CNTN5: variants seen among roughly 807,000 people sequenced by gnomAD.
CNTN5 encodes contactin 5, also known as contactin-5.
In CNTN5, 77 loss-of-function variants were observed where a neutral mutation model predicts 129.1. That is an observed-to-expected ratio of 0.60 (90% CI 0.50 to 0.72). The LOEUF is 0.72. Among genes scored for constraint, CNTN5 ranks in the 30% least tolerant of loss-of-function variants. The probability of loss-of-function intolerance (pLI) is 0.00; values close to 1 mark genes in which losing one functional copy is unlikely to be tolerated. For missense variants in CNTN5, 1,478 were observed against 1,328.8 expected (o/e 1.11, Z -1.75); for synonymous variants, 509 against 465.6 (o/e 1.09, Z -1.20).
At chr11:100,337,468 A>G (rs1216194492) in intron 21 of CNTN5, 4 of 746,254 alleles carry the variant, frequency 5.4e-6, no homozygotes, top group East Asian at 2.6e-5. Flanking sequence ...ATTAAGTCTT[A>G]CCCAAGACCT....
intron 1 of CNTN5, among the ~76,000 whole-genome samples, chr11:99,252,527 A>G (rs1277542007): frequency 1.3e-5 from 2 of 151,850 alleles, no homozygotes; most frequent in Admixed American, 6.6e-5. Flanking sequence ...AATGTCTCAT[A>G]TAAATTAGTG....
chr11:99,632,093 G>GA (rs1951377707), intron 3 of CNTN5, among the ~76,000 whole-genome samples: 1 of 152,022 alleles, frequency 6.6e-6, no homozygotes, highest in Non-Finnish European at 1.5e-5. Flanking sequence ...GGGGGACTTG[G>GA]AAGGTATACC....
chr11:100,098,883 C>G (rs977309554), intron 13 of CNTN5, among the ~76,000 whole-genome samples: 1 of 151,978 alleles, frequency 6.6e-6, no homozygotes, highest in Non-Finnish European at 1.5e-5. Flanking sequence ...GACTTGTTCA[C>G]CCGGTGGTGA....
chr11:100,101,614 G>C (rs1010385463), intron 13 of CNTN5, among the ~76,000 whole-genome samples: 7 of 151,934 alleles, frequency 4.6e-5, no homozygotes, highest in Non-Finnish European at 1.0e-4. Context: ...TGGTGGTACA[G>C]GTGGTTTTTG....
intron 3 of CNTN5, among the ~76,000 whole-genome samples, chr11:99,720,259 C>T (rs1284750974): frequency 6.6e-6 from 1 of 152,126 alleles, no homozygotes; most frequent in Admixed American, 6.5e-5. Flanking sequence ...CCTTGGTAAA[C>T]TTCAATGCAA....
chr11:99,694,556 CAT>C lies in CNTN5; in HGVS notation c.56-124987_56-124986del, dbSNP rs1413693240. 1.1e-4 allele frequency among the ~76,000 whole-genome samples: 17 copies of C among 152,226 alleles called. No individual in the cohort carries two copies. The South Asian group carries it at 1.7e-3, about 15-fold the overall frequency. ...TTATTTCACTTTAAGTTCTGGGACACATGTGCAGAATATGCAGGTTTGTTACT... is the reference window on the plus strand; with the variant it reads ...TTATTTCACTTTAAGTTCTGGGACACGTGCAGAATATGCAGGTTTGTTACT... On this transcript the variant is annotated intron_variant, in intron 3 of 24. Coordinates refer to ENST00000524871, the MANE Select transcript of CNTN5 (RefSeq NM_014361.4).
At position 99,832,250 on chromosome 11, in the gene CNTN5, A is replaced by G. The variant is rs184242722; in HGVS notation, c.277+12485A>G. On this transcript the variant is annotated intron_variant, in intron 4 of 24. Coordinates refer to ENST00000524871, the MANE Select transcript of CNTN5 (RefSeq NM_014361.4). ...AATGCCCATTAAAATGATATATAAC[A>G]TAACCACATTTAACAATGCATTCCA... Among the ~76,000 whole-genome samples, 7 of 152,318 alleles carry G rather than the reference A, an allele frequency of 4.6e-5. No individual in the cohort carries two copies. The East Asian group carries it at 1.2e-3, about 25-fold the overall frequency.
intron 1 of CNTN5, among the ~76,000 whole-genome samples, chr11:99,141,128 G>A (rs1296933694): frequency 6.6e-6 from 1 of 151,980 alleles, no homozygotes; most frequent in African/African-American, 2.4e-5. Flanking sequence ...GGTCCAGGAT[G>A]TTTACTGGTT....
intron 1 of CNTN5, among the ~76,000 whole-genome samples, chr11:99,041,439 C>T (rs76455258): frequency 0.012 from 1,767 of 152,288 alleles, 34 homozygotes; most frequent in African/African-American, 0.04. Flanking sequence ...ACACTTCACT[C>T]ATTTGTATGC....
At chr11:99,857,288 A>C (rs1948070737) in intron 6 of CNTN5, among the ~76,000 whole-genome samples, 2 of 152,170 alleles carry the variant, frequency 1.3e-5, no homozygotes, top group Admixed American at 1.3e-4. Context: ...ACCTACCTCT[A>C]ACATGTAAGA....
intron 2 of CNTN5, among the ~76,000 whole-genome samples, chr11:99,467,003 T>A (rs1944970550): frequency 6.6e-6 from 1 of 152,204 alleles, no homozygotes. Flanking sequence ...GAATGCATAG[T>A]GTTATCTCTG....
intron 3 of CNTN5, among the ~76,000 whole-genome samples, chr11:99,680,803 TA>T (rs1054370364): frequency 6.6e-5 from 10 of 151,958 alleles, no homozygotes; most frequent in African/African-American, 1.9e-4. Context: ...TATTTCTTAA[TA>T]AAACTTCAAA....
chr11:99,079,020 A>G (rs979321215), intron 1 of CNTN5, among the ~76,000 whole-genome samples: 1 of 152,172 alleles, frequency 6.6e-6, no homozygotes, highest in African/African-American at 2.4e-5. Flanking sequence ...TGTGATTATT[A>G]CACATTGTAT....
intron 24 of CNTN5, among the ~76,000 whole-genome samples, chr11:100,352,522 T>A (rs1952440418): frequency 6.6e-6 from 1 of 151,722 alleles, no homozygotes; most frequent in Admixed American, 6.6e-5. Flanking sequence ...AAAGCAAGAA[T>A]GATAAACTGT....
At chr11:99,890,349 C>T (rs1437734846) in intron 6 of CNTN5, among the ~76,000 whole-genome samples, 1 of 151,852 alleles carries the variant, frequency 6.6e-6, no homozygotes, top group Non-Finnish European at 1.5e-5. Context: ...ATATATATCT[C>T]AGTATATAAA....
intron 2 of CNTN5, among the ~76,000 whole-genome samples, chr11:99,466,984 G>A (rs1046491912): frequency 1.3e-5 from 2 of 152,234 alleles, no homozygotes; most frequent in African/African-American, 2.4e-5. Flanking sequence ...AAAAATGAAT[G>A]TATTTACTGA....
At chr11:99,990,802 T>A (rs1486567591) in intron 8 of CNTN5, among the ~76,000 whole-genome samples, 1 of 152,168 alleles carries the variant, frequency 6.6e-6, no homozygotes, top group Non-Finnish European at 1.5e-5. Flanking sequence ...TTTATTTGAA[T>A]ACAGTTACCT....
chr11:99,153,226 C>T (rs755367271), intron 1 of CNTN5, among the ~76,000 whole-genome samples: 2 of 152,134 alleles, frequency 1.3e-5, no homozygotes, highest in African/African-American at 4.8e-5. Context: ...GAATGATATC[C>T]CGAAACATAG....
chr11:99,166,299 G>A (rs1404694283), intron 1 of CNTN5, among the ~76,000 whole-genome samples: 1 of 151,750 alleles, frequency 6.6e-6, no homozygotes, highest in African/African-American at 2.4e-5. Context: ...CTACTCTGGA[G>A]GCTGAGGCAG....
Sources: allele counts gnomAD v4.1 joint callset (sites outside exome capture counted in the v4.1 genomes callset), GRCh38; gene constraint gnomAD v4.1.1; transcripts MANE v1.5; gene names NCBI Gene and HGNC (gene_info 2026-07-23, HGNC 2026-07-21).